UGT1A9: variants seen among roughly 807,000 people sequenced by gnomAD.
UGT1A9 encodes the protein UDP glucuronosyltransferase family 1 member A9.
A neutral mutation model predicts 45.0 loss-of-function variants in UGT1A9; 35 were observed. The observed-to-expected ratio is 0.78, with a 90% CI of 0.59 to 1.03. The LOEUF (loss-of-function observed/expected upper bound fraction) is 1.03, where lower values mean the gene tolerates loss of function less well. Ranked by LOEUF, UGT1A9 falls within the 50% of genes least tolerant of loss-of-function variation. The pLI is 0.00. For synonymous variants in UGT1A9, 278 were observed against 250.6 expected (o/e 1.11, Z -1.03); for missense variants, 687 against 666.6 (o/e 1.03, Z -0.34).
chr2:233,717,780 T>A, intron 1 of UGT1A9: 2 of 456,414 alleles, frequency 4.4e-6, no homozygotes, highest in African/African-American at 2.0e-5. Flanking sequence ...ATTCTCCATT[T>A]TGAAATTTGA....
chr2:233,747,593 T>A (rs1693725336), intron 1 of UGT1A9: 2 of 1,577,004 alleles, frequency 1.3e-6, no homozygotes, highest in Non-Finnish European at 1.7e-6. Flanking sequence ...TTCATAGGTC[T>A]TGTGTGGAGC....
intron 1 of UGT1A9, among the ~76,000 whole-genome samples, chr2:233,716,722 T>A (rs1048158654): frequency 6.6e-5 from 10 of 152,206 alleles, no homozygotes; most frequent in African/African-American, 2.2e-4. Context: ...AGTTCCAGTT[T>A]ATATGTTTAG....
At chr2:233,714,266 G>A (rs374255632) in intron 1 of UGT1A9, among the ~76,000 whole-genome samples, 1 of 152,208 alleles carries the variant, frequency 6.6e-6, no homozygotes, top group African/African-American at 2.4e-5. Flanking sequence ...ATTTACAATT[G>A]TTGACGTGAC....
chr2:233,681,166 C>A (rs886138503), intron 1 of UGT1A9, among the ~76,000 whole-genome samples: 9 of 151,848 alleles, frequency 5.9e-5, no homozygotes, highest in African/African-American at 2.2e-4. Flanking sequence ...GAGGTCAACG[C>A]TAAGACCCTT....
intron 1 of UGT1A9, among the ~76,000 whole-genome samples, chr2:233,724,489 G>GGTT (rs2077269335): frequency 1.4e-5 from 1 of 73,260 alleles, no homozygotes; most frequent in Non-Finnish European, 2.9e-5. Context: ...CAGACGGGGC[G>GGTT]GCCGGGCAGA....
intron 1 of UGT1A9, chr2:233,690,853 C>T: frequency 4.7e-6 from 5 of 1,064,736 alleles, no homozygotes; most frequent in Non-Finnish European, 5.7e-6. Flanking sequence ...TTTCTAATAC[C>T]TTCTTAATTT....
intron 1 of UGT1A9, among the ~76,000 whole-genome samples, chr2:233,685,336 A>G (rs2074735162): frequency 1.3e-5 from 2 of 152,078 alleles, no homozygotes; most frequent in Admixed American, 6.6e-5. Flanking sequence ...CCCGGACTTA[A>G]AGTGGTTTTA....
At chr2:233,753,681 A>G in intron 1 of UGT1A9, 1 of 152,226 alleles carries the variant, frequency 6.6e-6, no homozygotes, top group East Asian at 1.9e-4. Flanking sequence ...CCTCACCCAA[A>G]CAATATTACA....
chr2:233,693,254 C>A, intron 1 of UGT1A9: 1 of 1,614,058 alleles, frequency 6.2e-7, no homozygotes, highest in African/African-American at 1.3e-5. Flanking sequence ...GCCGTATGAC[C>A]AAGAAGAGCT....
intron 1 of UGT1A9, among the ~76,000 whole-genome samples, chr2:233,751,775 T>C (rs1694807699): frequency 1.3e-5 from 2 of 152,228 alleles, no homozygotes; most frequent in Non-Finnish European, 2.9e-5. Context: ...ATGACTTTGC[T>C]TATCTCTCAC....
chr2:233,691,024 G>A (rs2075025433), intron 1 of UGT1A9: 1 of 991,326 alleles, frequency 1.0e-6, no homozygotes, highest in African/African-American at 1.7e-5. Flanking sequence ...TGGTTGGAAG[G>A]GCTCAGACCA....
rs528527073 is a variant in UGT1A9 at position 233,743,656 on chromosome 2, G to A, written c.856-23378G>A. On this transcript the variant is annotated intron_variant, in intron 1 of 4. Transcript: ENST00000354728. ...GGTCGCGGAAGCTGAAGACGTACTC[G>A]AAGGGGTCCTCGAAGGGCCTGCCGC... 2.2e-5 allele frequency: 30 copies of A among 1,367,266 alleles called. 1 individual carries two copies. Among genetic ancestry groups the A allele is most frequent in the Middle Eastern group, 4.2e-4 (2 of 4,768 alleles). The allele number at this position is 1,367,266 out of a possible 1,614,324, so 84.7% of individuals were successfully genotyped here.
At chr2:233,740,640 G>C (rs1049761331) in intron 1 of UGT1A9, 2 of 151,736 alleles carry the variant, frequency 1.3e-5, no homozygotes, top group Admixed American at 1.3e-4. Flanking sequence ...GCCTTTCCTT[G>C]CCCAGTGTAC....
chr2:233,709,579 A>C (rs936977036), intron 1 of UGT1A9, among the ~76,000 whole-genome samples: 1 of 152,242 alleles, frequency 6.6e-6, no homozygotes, highest in African/African-American at 2.4e-5. Flanking sequence ...AATTCAAAAA[A>C]TATACCAGGA....
At chr2:233,744,855 G>A (rs1452590480) in intron 1 of UGT1A9, among the ~76,000 whole-genome samples, 1 of 151,856 alleles carries the variant, frequency 6.6e-6, no homozygotes, top group Non-Finnish European at 1.5e-5. Flanking sequence ...GTAGTCCTTG[G>A]TATTCTGAAG....
At chr2:233,711,745 G>A (rs991588620) in intron 1 of UGT1A9, among the ~76,000 whole-genome samples, 1 of 152,212 alleles carries the variant, frequency 6.6e-6, no homozygotes, top group Non-Finnish European at 1.5e-5. Flanking sequence ...GACACGGCCA[G>A]GCATGTAGAC....
In UGT1A9 at chr2:233,729,406, C is replaced by T. The variant is rs761312102; in HGVS notation, c.856-37628C>T. 2.5e-6 allele frequency: 4 copies of T among 1,613,662 alleles called. No individual in the cohort carries two copies. The East Asian group carries it at 6.7e-5, about 27-fold the overall frequency. ...CCAGGATGAATTTGATCGCCATGTG[C>T]TGGGCCACACTCAACTGTACTTTGA... On this transcript the variant is annotated intron_variant, in intron 1 of 4. Coordinates refer to ENST00000354728, the MANE Select transcript of UGT1A9 (RefSeq NM_021027.3).
At chr2:233,729,079 C>G (rs372945950) in intron 1 of UGT1A9, 1,314 of 1,611,886 alleles carry the variant, frequency 8.2e-4, no homozygotes, top group Non-Finnish European at 1.1e-3. Flanking sequence ...GCAAATGTAG[C>G]AGGCACAGCG....
At chr2:233,734,641 G>A (rs777455810) in intron 1 of UGT1A9, among the ~76,000 whole-genome samples, 2 of 152,096 alleles carry the variant, frequency 1.3e-5, no homozygotes, top group Non-Finnish European at 2.9e-5. Flanking sequence ...GCTTTCTCCT[G>A]TGGGGATTTA....
Sources: allele counts gnomAD v4.1 joint callset (sites outside exome capture counted in the v4.1 genomes callset), GRCh38; gene constraint gnomAD v4.1.1; transcripts MANE v1.5; gene names NCBI Gene and HGNC (gene_info 2026-07-23, HGNC 2026-07-21).